Variants in F11 observed in about 807,000 individuals in gnomAD.
F11 encodes coagualtion factor XI.
Under a neutral mutation model 76.5 loss-of-function variants are expected in F11, and 78 were observed. The observed-to-expected ratio is 1.02, with a 90% CI of 0.85 to 1.23. F11 has a LOEUF of 1.23. F11 is among the 50% of genes most tolerant of loss of function. The probability of loss-of-function intolerance (pLI) is 0.00; values close to 1 mark genes in which losing one functional copy is unlikely to be tolerated. For missense variants in F11, 742 were observed against 771.4 expected, an observed-to-expected ratio of 0.96 and a Z score of 0.45; for synonymous variants, 278 against 276.3, an observed-to-expected ratio of 1.01 and a Z score of -0.06.
chr4:186,267,864 C>T (rs1425392082), intron 2 of F11, among the ~76,000 whole-genome samples: 1 of 152,062 alleles, frequency 6.6e-6, no homozygotes, highest in Non-Finnish European at 1.5e-5. Context: ...TGAAAAAAGG[C>T]AAACCTAGGT....
intron 10 of F11, chr4:186,282,814 T>G: frequency 1.0e-6 from 1 of 985,410 alleles, no homozygotes; most frequent in Non-Finnish European, 1.2e-6. Context: ...CCTCAGTTGC[T>G]GTTAGCTGCT....
At chr4:186,280,856 C>CTTTTTTTTTTTTTTT (rs33985758) in intron 10 of F11, among the ~76,000 whole-genome samples, 4 of 108,172 alleles carry the variant, frequency 3.7e-5, no homozygotes, top group Non-Finnish European at 5.5e-5. Flanking sequence ...TTCTTTCTTT[C>CTTTTTTTTTTTTTTT]TTTTTTTTTT....
At chr4:186,288,161 C>T (rs2126789847) in intron 14 of F11, among the ~76,000 whole-genome samples, 1 of 152,108 alleles carries the variant, frequency 6.6e-6, no homozygotes, top group East Asian at 1.9e-4. Flanking sequence ...ATCTGCCTGC[C>T]TGGGCCTCCC....
rs779123395 is a variant in F11 at position 186,276,251 on chromosome 4, C to T, written c.616C>T (p.Pro206Ser). 21 of 1,613,958 alleles carry T rather than the reference C, an allele frequency of 1.3e-5. No individual in the cohort carries two copies. The highest frequency in any genetic ancestry group is 1.8e-5 in the Non-Finnish European group (21 of 1,180,014). ...CGCAGCTTGTATTAGGGACATTTTC[C>T]CTAATACGGTGTTTGCAGACAGCAA... is the stretch of plus-strand genomic sequence containing the variant. ...SNLACIRDIF[P>S]NTVFADSNID... The change falls in exon 7 of 15, where the codon CCT becomes TCT. Residue 206 changes from proline (P) to serine (S), a missense_variant. Physicochemically the swap from Pro to Ser is moderately conservative, Grantham distance 74. Transcript: ENST00000403665.
chr4:186,274,563 A>G (rs1740229353), intron 5 of F11: 1 of 425,394 alleles, frequency 2.4e-6, no homozygotes, highest in African/African-American at 2.0e-5. Flanking sequence ...AACAGCTGCA[A>G]TTGGTATGAT....
Position 186,289,217 on chromosome 4 carries a change from G to C in F11, c.*603G>C, listed in dbSNP as rs1447007205. ...GCTAAGAGTGAATGTGAAGATAACA[G>C]AATTTCTGTGTGGAAGAGGATTACA... is the stretch of plus-strand genomic sequence containing the variant. On this transcript the variant is annotated 3_prime_UTR_variant, in exon 15 of 15. Transcript: ENST00000403665. Among the ~76,000 whole-genome samples the C allele has an allele frequency of 6.6e-6, 1 of 152,158 alleles. No homozygotes were observed. Among genetic ancestry groups the C allele is most frequent in the Non-Finnish European group, 1.5e-5 (1 of 68,032 alleles).
Position 186,286,462 on chromosome 4 carries a change from A to G in F11, c.1528A>G (p.Ile510Val), listed in dbSNP as rs1741214702. Residue 510 changes from isoleucine (I) to valine (V), a missense_variant, in exon 13 of 15, where the codon ATA becomes GTA. By Grantham distance (29) the Ile-to-Val change is conservative. Transcript: ENST00000403665. ...GCCTTCCAAAGGAGATAGAAATGTA[A>G]TATACACTGATTGCTGGGTGACTGG... ...CLPSKGDRNV[I>V]YTDCWVTGWG... 3 of 1,613,932 alleles carry G rather than the reference A, an allele frequency of 1.9e-6. No individual in the cohort carries two copies. The highest frequency in any genetic ancestry group is 2.5e-6 in the Non-Finnish European group (3 of 1,179,942).
intron 5 of F11, 127 bp from the exon 6 acceptor site, chr4:186,275,660 A>G (rs567106632): frequency 4.2e-6 from 3 of 710,016 alleles, no homozygotes; most frequent in South Asian, 3.0e-5. Context: ...CCAGCCATTC[A>G]GCCTCCCAGA....
intron 7 of F11, among the ~76,000 whole-genome samples, chr4:186,278,939 T>C (rs1195156783): frequency 1.3e-5 from 2 of 152,232 alleles, no homozygotes; most frequent in African/African-American, 4.8e-5. Flanking sequence ...ACTTGTAATT[T>C]TGTGCTAGTC....
intron 2 of F11, among the ~76,000 whole-genome samples, chr4:186,269,350 A>G (rs544375334): frequency 4.6e-5 from 7 of 152,384 alleles, no homozygotes; most frequent in East Asian, 3.9e-4. Context: ...GAAGCAGCCC[A>G]TGTGTTTATC....
At chr4:186,273,212 T>C (rs1437265305) in intron 4 of F11, 35 bp downstream of exon 4, 2 of 1,481,528 alleles carry the variant, frequency 1.3e-6, no homozygotes, top group Non-Finnish European at 1.9e-6. Flanking sequence ...AAATACCAGC[T>C]GTGATGTACA....
At chr4:186,287,953 G>A in intron 14 of F11, 130 bp downstream of exon 14, 1 of 1,056,890 alleles carries the variant, frequency 9.5e-7, no homozygotes, top group Non-Finnish European at 1.4e-6. Flanking sequence ...TGCCCAGGCT[G>A]GAGTGCAGTG....
Position 186,285,711 on chromosome 4 carries a change from T to G in F11, c.1378T>G (p.Phe460Val), listed in dbSNP as rs121965065. The G allele has an allele frequency of 1.7e-5, 28 of 1,614,018 alleles. No homozygotes were observed. Among genetic ancestry groups the G allele is most frequent in the Non-Finnish European group, 2.4e-5 (28 of 1,179,988 alleles). ...ATCTGAAATAAAAGAGGACACATCT[T>G]TCTTTGGGGTTCAAGAAATAATAAT... ...NQSEIKEDTS[F>V]FGVQEIIIHD... The change falls in exon 12 of 15, where the codon TTC (phenylalanine) becomes GTC (valine). Residue 460 changes from phenylalanine (F) to valine (V), a missense_variant. Physicochemically the swap from Phe to Val is conservative, Grantham distance 50. Transcript: ENST00000403665.
intron 7 of F11, 50 bp from the exon 8 acceptor site, chr4:186,279,962 T>G (rs1285944760): frequency 7.2e-7 from 1 of 1,381,302 alleles, no homozygotes; most frequent in South Asian, 1.2e-5. Context: ...GTAAAAATGT[T>G]TTTATGTGTT....
chr4:186,272,141 AT>A (rs1740022142), intron 3 of F11, among the ~76,000 whole-genome samples: 2 of 152,178 alleles, frequency 1.3e-5, no homozygotes, highest in African/African-American at 2.4e-5. Context: ...AAAAAATAAA[AT>A]ATTTAAAAAG....
chr4:186,275,221 T>C (rs1320534734), intron 5 of F11: 1 of 456,186 alleles, frequency 2.2e-6, no homozygotes, highest in South Asian at 1.6e-5. Context: ...CCAGGCGCGG[T>C]GGCTCACACC....
chr4:186,274,407 A>G, intron 5 of F11, 132 bp downstream of exon 5: 2 of 1,107,248 alleles, frequency 1.8e-6, no homozygotes, highest in Admixed American at 4.0e-5. Flanking sequence ...TAGTACTCCT[A>G]GTTTTCTTCA....
At chr4:186,272,346 C>A (rs974904151) in intron 3 of F11, among the ~76,000 whole-genome samples, 1 of 152,094 alleles carries the variant, frequency 6.6e-6, no homozygotes, top group East Asian at 1.9e-4. Flanking sequence ...AAAAGACATA[C>A]GAAATTTAAC....
chr4:186,269,373 G>A (rs1739747926), intron 2 of F11, among the ~76,000 whole-genome samples: 1 of 152,210 alleles, frequency 6.6e-6, no homozygotes, highest in East Asian at 1.9e-4. Flanking sequence ...CAGGTGACTG[G>A]ATAAAGTGTG....
Sources: gnomAD v4.1 joint callset for allele counts (sites outside exome capture counted in the v4.1 genomes callset) on GRCh38, gnomAD v4.1.1 for gene constraint, MANE v1.5 for transcripts, NCBI Gene and HGNC (gene_info 2026-07-23, HGNC 2026-07-21) for gene names.